The following EPHA6 variants were observed in gnomAD, a reference collection of about 807,000 sequenced individuals.
EPHA6 encodes the protein EPH receptor A6.
Under a neutral mutation model 112.0 loss-of-function variants are expected in EPHA6, and 50 were observed. The ratio of observed to expected loss-of-function variants is 0.45; its 90% CI spans 0.36 to 0.56. The LOEUF is 0.56. Among genes scored for constraint, EPHA6 ranks in the 20% least tolerant of loss-of-function variants. The pLI, the probability that EPHA6 is intolerant of heterozygous loss-of-function variation, is 0.00. For synonymous variants in EPHA6, 529 were observed against 490.7 expected, an observed-to-expected ratio of 1.08 and a Z score of -1.03; for missense variants, 1,280 against 1,417.4, an observed-to-expected ratio of 0.90 and a Z score of 1.56.
intron 6 of EPHA6, among the ~76,000 whole-genome samples, chr3:97,419,539 C>T (rs976399977): frequency 2.6e-4 from 39 of 151,928 alleles, no homozygotes; most frequent in Admixed American, 3.3e-4. Flanking sequence ...GCAGGAGAAT[C>T]GCTTGAACCT....
At chr3:97,088,711 G>A (rs933224970) in intron 3 of EPHA6, among the ~76,000 whole-genome samples, 1 of 152,106 alleles carries the variant, frequency 6.6e-6, no homozygotes, top group Non-Finnish European at 1.5e-5. Context: ...CTGCCTGGGA[G>A]AGGACTGGTT....
At chr3:96,825,727 C>A (rs186500544) in intron 1 of EPHA6, among the ~76,000 whole-genome samples, 4 of 151,884 alleles carry the variant, frequency 2.6e-5, no homozygotes, top group African/African-American at 9.6e-5. Context: ...GCAGATTACC[C>A]GTGATTAGCT....
intron 7 of EPHA6, among the ~76,000 whole-genome samples, chr3:97,470,261 G>T (rs2091188461): frequency 6.6e-6 from 1 of 151,650 alleles, no homozygotes. Flanking sequence ...AATTTACTGG[G>T]TATCATCAAT....
intron 5 of EPHA6, among the ~76,000 whole-genome samples, chr3:97,384,751 C>T (rs1357273001): frequency 6.6e-6 from 1 of 152,002 alleles, no homozygotes; most frequent in African/African-American, 2.4e-5. Context: ...CATACTATTT[C>T]CCCCTTTTTT....
Position 97,393,972 on chromosome 3 carries a change from T to C in EPHA6, c.1607-11178T>C, listed in dbSNP as rs140905617. ...ACCATATTTTTTATCTATTCATTTA[T>C]TGATGGACAGTCAGGTTGATTCAGT... On this transcript the variant is annotated intron_variant, in intron 5 of 17. Transcript: ENST00000389672. Among the ~76,000 whole-genome samples the C allele has an allele frequency of 1.6e-3, 238 of 151,960 alleles. 1 individual carries two copies. The highest frequency in any genetic ancestry group is 0.016 in the East Asian group (81 of 5,182).
chr3:97,047,737 A>C (rs1158007543), intron 3 of EPHA6, among the ~76,000 whole-genome samples: 1 of 151,988 alleles, frequency 6.6e-6, no homozygotes, highest in Non-Finnish European at 1.5e-5. Flanking sequence ...GTACTAAATA[A>C]GTGGATTGTA....
intron 2 of EPHA6, among the ~76,000 whole-genome samples, chr3:96,934,994 A>G (rs1380816494): frequency 6.6e-6 from 1 of 151,804 alleles, no homozygotes; most frequent in African/African-American, 2.4e-5. Flanking sequence ...TTAACTTTCA[A>G]TCATAATATA....
At chr3:97,158,827 C>T (rs369873528) in intron 3 of EPHA6, among the ~76,000 whole-genome samples, 1 of 152,070 alleles carries the variant, frequency 6.6e-6, no homozygotes, top group African/African-American at 2.4e-5. Context: ...GACTGCACCT[C>T]TAAAGATAAG....
chr3:96,856,057 G>A (rs2035677828), intron 1 of EPHA6, among the ~76,000 whole-genome samples: 1 of 152,006 alleles, frequency 6.6e-6, no homozygotes, highest in African/African-American at 2.4e-5. Flanking sequence ...TGTGTAACAT[G>A]GGCAAACCCC....
At chr3:97,363,213 TATATATATATATATATATATATATAA>T (rs1559922946) in intron 5 of EPHA6, among the ~76,000 whole-genome samples, 5 of 69,528 alleles carry the variant, frequency 7.2e-5, no homozygotes, top group Non-Finnish European at 1.0e-4. Flanking sequence ...TATATATATA[TATATATATATATATATATATATATAA>T]ATCTCAGATG....
chr3:97,292,046 C>A (rs1408076927), intron 5 of EPHA6, among the ~76,000 whole-genome samples: 2 of 152,252 alleles, frequency 1.3e-5, no homozygotes, highest in African/African-American at 4.8e-5. Context: ...CAGCCAGGTG[C>A]ACCAGCTGTA....
intron 10 of EPHA6, among the ~76,000 whole-genome samples, chr3:97,515,833 G>C (rs1446880876): frequency 6.6e-6 from 1 of 151,330 alleles, no homozygotes; most frequent in Non-Finnish European, 1.5e-5. Flanking sequence ...TGTTCAAAAG[G>C]AAAAATAAGC....
rs566292927 is a variant in EPHA6 at position 97,047,360 on chromosome 3, C to T, written c.1114+59367C>T. ...CTAAAAATACAAAAAATTAGCTGGG[C>T]GTGGTGGTGGGCACCTGTGGTCCCA... is the stretch of plus-strand genomic sequence containing the variant. On this transcript the variant is annotated intron_variant, in intron 3 of 17. Transcript: ENST00000389672. Among the ~76,000 whole-genome samples the T allele has an allele frequency of 6.6e-5, 10 of 151,654 alleles. No homozygotes were observed. The East Asian group carries it at 1.2e-3, about 18-fold the overall frequency.
chr3:97,199,036 C>T (rs1417935933), intron 3 of EPHA6, among the ~76,000 whole-genome samples: 1 of 151,998 alleles, frequency 6.6e-6, no homozygotes, highest in Non-Finnish European at 1.5e-5. Flanking sequence ...GGTGAACTGG[C>T]CAAATAGAAC....
At chr3:97,735,888 A>C in intron 15 of EPHA6, 37 bp from the exon 16 acceptor site, 19 of 1,462,834 alleles carry the variant, frequency 1.3e-5, no homozygotes, top group Non-Finnish European at 1.7e-5. Flanking sequence ...ATTACTGCCT[A>C]AAAATAAGAG....
At chr3:97,280,543 T>A (rs1052198740) in intron 5 of EPHA6, among the ~76,000 whole-genome samples, 18 of 152,184 alleles carry the variant, frequency 1.2e-4, no homozygotes, top group Admixed American at 1.2e-3. Context: ...GAGCCTTTTT[T>A]TTTAATCTCC....
chr3:97,443,017 C>T (rs1032477889), intron 6 of EPHA6, among the ~76,000 whole-genome samples: 1 of 152,080 alleles, frequency 6.6e-6, no homozygotes, highest in Non-Finnish European at 1.5e-5. Flanking sequence ...TTCCTAGGCC[C>T]TGCAATTCTT....
chr3:96,898,846 G>T (rs1389571038), intron 2 of EPHA6, among the ~76,000 whole-genome samples: 2 of 151,600 alleles, frequency 1.3e-5, no homozygotes, highest in Admixed American at 1.3e-4. Flanking sequence ...TGGCTAACAC[G>T]GTGAAACCCC....
intron 14 of EPHA6, among the ~76,000 whole-genome samples, chr3:97,671,530 A>G (rs1384779148): frequency 2.0e-5 from 3 of 152,158 alleles, no homozygotes; most frequent in African/African-American, 7.2e-5. Context: ...TGGGTTTGTG[A>G]GAGCATATTC....
Sources: gnomAD v4.1 joint callset for allele counts (sites outside exome capture counted in the v4.1 genomes callset) on GRCh38, gnomAD v4.1.1 for gene constraint, MANE v1.5 for transcripts, NCBI Gene and HGNC (gene_info 2026-07-23, HGNC 2026-07-21) for gene names.